Variants in PTPRM observed in about 807,000 individuals in gnomAD.
The protein encoded by PTPRM is protein tyrosine phosphatase receptor type M.
A neutral mutation model predicts 186.7 loss-of-function variants in PTPRM; 47 were observed. That is an observed-to-expected ratio of 0.25 (90% CI 0.20 to 0.32). The LOEUF (loss-of-function observed/expected upper bound fraction) is 0.32. Among genes scored for constraint, PTPRM ranks in the 10% least tolerant of loss-of-function variants. The pLI, the probability that PTPRM is intolerant of heterozygous loss-of-function variation, is 1.00. For missense variants in PTPRM, 1,494 were observed against 1,865.0 expected (o/e 0.80, Z 3.66); for synonymous variants, 668 against 674.9 (o/e 0.99, Z 0.16).
At chr18:7,576,809 CTGTT>C (rs1598442067) in intron 1 of PTPRM, among the ~76,000 whole-genome samples, 1 of 152,196 alleles carries the variant, frequency 6.6e-6, no homozygotes, top group Non-Finnish European at 1.5e-5. Context: ...TCTCTCTTCT[CTGTT>C]TGAGTAGCTT....
At chr18:8,406,010 T>C (rs1183346776) in intron 32 of PTPRM, 99 bp from the exon 33 acceptor site, 3 of 1,031,566 alleles carry the variant, frequency 2.9e-6, no homozygotes, top group Non-Finnish European at 3.1e-6. Context: ...TCCTCCCAGA[T>C]TGATGTCTTC....
chr18:7,712,642 TAAGTGGA>T (rs1175996385), intron 1 of PTPRM, among the ~76,000 whole-genome samples: 1 of 151,888 alleles, frequency 6.6e-6, no homozygotes, highest in Non-Finnish European at 1.5e-5. Flanking sequence ...GAGGAATTGC[TAAGTGGA>T]ATAACCAGTT....
At chr18:7,707,910 A>G (rs889225860) in intron 1 of PTPRM, among the ~76,000 whole-genome samples, 3 of 152,296 alleles carry the variant, frequency 2.0e-5, no homozygotes, top group South Asian at 2.1e-4. Flanking sequence ...CCACTACAAT[A>G]TTTCATTTCT....
intron 1 of PTPRM, among the ~76,000 whole-genome samples, chr18:7,591,183 A>G (rs533772490): frequency 3.9e-5 from 6 of 152,318 alleles, no homozygotes; most frequent in Non-Finnish European, 8.8e-5. Context: ...GTTTTTTAAA[A>G]CAGATTGTAT....
At chr18:7,917,656 C>T (rs750776201) in intron 4 of PTPRM, among the ~76,000 whole-genome samples, 1 of 152,132 alleles carries the variant, frequency 6.6e-6, no homozygotes, top group Non-Finnish European at 1.5e-5. Context: ...ATATCCATCA[C>T]CTTAACTATT....
intron 7 of PTPRM, among the ~76,000 whole-genome samples, chr18:8,066,844 T>A (rs558341346): frequency 6.6e-6 from 1 of 152,316 alleles, no homozygotes; most frequent in East Asian, 1.9e-4. Flanking sequence ...TGTGTTAGGC[T>A]TAGCTGTAGT....
At chr18:8,235,325 G>T (rs2094331899) in intron 14 of PTPRM, among the ~76,000 whole-genome samples, 1 of 151,982 alleles carries the variant, frequency 6.6e-6, no homozygotes, top group Non-Finnish European at 1.5e-5. Flanking sequence ...CAAGGAACTG[G>T]TCTATTTCAA....
chr18:7,935,487 G>T (rs759530708), intron 5 of PTPRM, among the ~76,000 whole-genome samples: 9 of 152,044 alleles, frequency 5.9e-5, no homozygotes, highest in Non-Finnish European at 1.0e-4. Flanking sequence ...TACTCTAGAA[G>T]AAATTAATTA....
chr18:7,863,857 A>G (rs1189746223), intron 2 of PTPRM, among the ~76,000 whole-genome samples: 1 of 152,140 alleles, frequency 6.6e-6, no homozygotes. Context: ...CCTCTCCAGC[A>G]TCTATTGTTT....
At chr18:8,303,043 G>T (rs890669127) in intron 20 of PTPRM, among the ~76,000 whole-genome samples, 1 of 152,170 alleles carries the variant, frequency 6.6e-6, no homozygotes, top group East Asian at 1.9e-4. Flanking sequence ...CATATGGGTG[G>T]TGGTAGAAGC....
chr18:8,200,706 A>G (rs2093843731), intron 14 of PTPRM, among the ~76,000 whole-genome samples: 1 of 152,184 alleles, frequency 6.6e-6, no homozygotes, highest in East Asian at 1.9e-4. Context: ...ATAATTTCAA[A>G]CTCACAAAAA....
intron 7 of PTPRM, among the ~76,000 whole-genome samples, chr18:7,960,478 TATACACAC>T (rs1452623998): frequency 2.1e-5 from 2 of 93,872 alleles, no homozygotes; most frequent in South Asian, 3.4e-4. Flanking sequence ...TATATATATA[TATACACAC>T]ACACACACAC....
intron 14 of PTPRM, among the ~76,000 whole-genome samples, chr18:8,171,727 G>A (rs956177777): frequency 6.6e-6 from 1 of 152,082 alleles, no homozygotes; most frequent in African/African-American, 2.4e-5. Context: ...CCTCTGAATG[G>A]CCCTATACAG....
At chr18:7,961,216 T>C (rs1004634780) in intron 7 of PTPRM, among the ~76,000 whole-genome samples, 4 of 152,212 alleles carry the variant, frequency 2.6e-5, no homozygotes, top group African/African-American at 9.6e-5. Context: ...CAAATACTAG[T>C]TTCATTGAGA....
intron 1 of PTPRM, among the ~76,000 whole-genome samples, chr18:7,726,054 C>T (rs1353243196): frequency 3.9e-5 from 6 of 152,148 alleles, no homozygotes; most frequent in South Asian, 2.1e-4. Context: ...TCCCCAAAAG[C>T]GCTCGCCCCA....
intron 1 of PTPRM, among the ~76,000 whole-genome samples, chr18:7,626,897 C>T (rs994706629): frequency 7.9e-5 from 12 of 152,102 alleles, no homozygotes; most frequent in South Asian, 2.1e-4. Context: ...CACAAGGTCT[C>T]GCTCTGTTGC....
rs745426552 is a variant in PTPRM at position 8,143,721 on chromosome 18, G to A, written c.2242G>A (p.Ala748Thr). The change falls in exon 14 of 33, where the codon GCG (alanine) becomes ACG (threonine). Residue 748 changes from alanine to threonine, a missense_variant. By Grantham distance (58) the Ala-to-Thr change is moderately conservative. Around this residue, in one of 3 missense-constraint regions of PTPRM, gnomAD observed 1,107 missense variants for 1,350.2 expected, o/e 0.82. Coordinates refer to ENST00000580170, the MANE Select transcript of PTPRM (RefSeq NM_001105244.2). ...TACAGTTAAAATTGCTGGAGTCATCGCGGGCATCTTGCTGTTCGTGATTAT... is the reference window on the plus strand; with the variant it reads ...TACAGTTAAAATTGCTGGAGTCATCACGGGCATCTTGCTGTTCGTGATTAT... Reference protein sequence around the residue: ...DHTVKIAGVIAGILLFVIIFL... With the variant: ...DHTVKIAGVITGILLFVIIFL... The A allele has an allele frequency of 1.1e-5, 18 of 1,613,734 alleles. No homozygotes were observed. Among genetic ancestry groups the A allele is most frequent in the Middle Eastern group, 3.3e-4 (2 of 6,084 alleles).
At chr18:7,664,288 C>T (rs2039045547) in intron 1 of PTPRM, among the ~76,000 whole-genome samples, 1 of 152,204 alleles carries the variant, frequency 6.6e-6, no homozygotes, top group Non-Finnish European at 1.5e-5. Flanking sequence ...AGAACCTGTC[C>T]TGGGGATGTG....
chr18:8,025,674 G>T (rs911512684), intron 7 of PTPRM, among the ~76,000 whole-genome samples: 4 of 152,178 alleles, frequency 2.6e-5, no homozygotes, highest in African/African-American at 9.6e-5. Flanking sequence ...ATTAGCGAGA[G>T]AACTTTGTTT....
Sources: allele counts gnomAD v4.1 joint callset (sites outside exome capture counted in the v4.1 genomes callset), GRCh38; gene constraint gnomAD v4.1.1; regional missense constraint gnomAD v4.1.1; transcripts MANE v1.5; gene names NCBI Gene and HGNC (gene_info 2026-07-23, HGNC 2026-07-21).